The following NAALADL2 variants were observed in gnomAD, a reference collection of about 807,000 sequenced individuals.
NAALADL2 encodes the protein inactive N-acetylated-alpha-linked acidic dipeptidase-like protein 2.
Under a neutral mutation model 87.2 loss-of-function variants are expected in NAALADL2, and 76 were observed. The observed-to-expected ratio is 0.87, with a 90% CI of 0.72 to 1.05. The LOEUF is 1.05. Ranked by LOEUF, NAALADL2 falls within the 50% of genes least tolerant of loss-of-function variation. The pLI, the probability that NAALADL2 is intolerant of heterozygous loss-of-function variation, is 0.00. For missense variants in NAALADL2, 1,089 were observed against 945.8 expected, an observed-to-expected ratio of 1.15 and a Z score of -1.99; for synonymous variants, 354 against 331.0, an observed-to-expected ratio of 1.07 and a Z score of -0.75.
intron 1 of NAALADL2, among the ~76,000 whole-genome samples, chr3:174,918,573 A>G (rs1734726668): frequency 6.6e-6 from 1 of 152,128 alleles, no homozygotes. Context: ...TGATTGGCTG[A>G]GGTTTACTTT....
At chr3:175,284,079 A>C (rs1159201822) in intron 4 of NAALADL2, among the ~76,000 whole-genome samples, 1 of 152,074 alleles carries the variant, frequency 6.6e-6, no homozygotes, top group East Asian at 1.9e-4. Context: ...CTTCCCAACA[A>C]TATTAGTGTA....
chr3:174,864,856 A>G (rs1425823381), intron 1 of NAALADL2, among the ~76,000 whole-genome samples: 1 of 152,040 alleles, frequency 6.6e-6, no homozygotes, highest in East Asian at 1.9e-4. Context: ...TTGATTTATT[A>G]TTGGAAAGTA....
intron 5 of NAALADL2, among the ~76,000 whole-genome samples, chr3:175,403,742 A>G (rs960518661): frequency 6.6e-6 from 1 of 152,120 alleles, no homozygotes; most frequent in Non-Finnish European, 1.5e-5. Context: ...ATTTTTAAGG[A>G]ACTCATTAGA....
intron 2 of NAALADL2, among the ~76,000 whole-genome samples, chr3:174,693,715 G>A (rs1285496353): frequency 1.1e-4 from 17 of 152,026 alleles, no homozygotes; most frequent in Non-Finnish European, 7.4e-5. Context: ...AGGGATACAG[G>A]GAATAAACAA....
intron 1 of NAALADL2, among the ~76,000 whole-genome samples, chr3:174,980,557 A>C (rs1190740542): frequency 2.6e-5 from 4 of 152,186 alleles, no homozygotes; most frequent in Admixed American, 6.5e-5. Context: ...GGAATCATGA[A>C]ATATTTTCCG....
At chr3:175,671,719 A>G (rs111341847) in intron 11 of NAALADL2, among the ~76,000 whole-genome samples, 609 of 152,130 alleles carry the variant, frequency 4.0e-3, no homozygotes, top group Middle Eastern at 0.01. Context: ...AAGTCATATT[A>G]AGTACACTAA....
chr3:174,938,853 C>A (rs1738123191), intron 1 of NAALADL2, among the ~76,000 whole-genome samples: 1 of 152,012 alleles, frequency 6.6e-6, no homozygotes, highest in African/African-American at 2.4e-5. Context: ...CCTTTGTCTA[C>A]TTTTTAATGA....
chr3:175,412,930 T>TTA (rs1560510690), intron 5 of NAALADL2, among the ~76,000 whole-genome samples: 23 of 18,688 alleles, frequency 1.2e-3, no homozygotes, highest in African/African-American at 4.3e-3. Flanking sequence ...TATTATTATT[T>TTA]TTGAGACGGA....
At chr3:175,461,428 G>A (rs1233425502) in intron 6 of NAALADL2, among the ~76,000 whole-genome samples, 4 of 152,098 alleles carry the variant, frequency 2.6e-5, no homozygotes, top group Non-Finnish European at 5.9e-5. Context: ...AGTTCTCCAA[G>A]TCCCCACTTG....
intron 2 of NAALADL2, among the ~76,000 whole-genome samples, chr3:174,710,288 T>C (rs2108911725): frequency 6.7e-6 from 1 of 150,314 alleles, no homozygotes; most frequent in East Asian, 2.0e-4. Context: ...CGAGTCTTGC[T>C]CTGTCGCCCA....
chr3:175,589,309 G>GTAATTTACCATTCGT (rs60691311), intron 10 of NAALADL2, among the ~76,000 whole-genome samples: 3 of 152,114 alleles, frequency 2.0e-5, no homozygotes, highest in Admixed American at 6.5e-5. Flanking sequence ...ATTGGTACTG[G>GTAATTTACCATTCGT]TAAATAAATG....
At chr3:174,902,098 C>T (rs76501445) in intron 1 of NAALADL2, among the ~76,000 whole-genome samples, 2,208 of 152,200 alleles carry the variant, frequency 0.015, 33 homozygotes, top group Non-Finnish European at 0.017. Flanking sequence ...CATGATCTAC[C>T]GCCCAGGTGT....
chr3:175,079,966 T>C (rs964403664), intron 1 of NAALADL2, among the ~76,000 whole-genome samples: 1 of 150,956 alleles, frequency 6.6e-6, no homozygotes, highest in African/African-American at 2.5e-5. Context: ...TCTAGAAATA[T>C]AGACTTTTTT....
intron 1 of NAALADL2, among the ~76,000 whole-genome samples, chr3:174,508,804 T>C (rs923010391): frequency 6.6e-6 from 1 of 152,198 alleles, no homozygotes; most frequent in Non-Finnish European, 1.5e-5. Context: ...TCCTAGCACT[T>C]TGGGAGGCCG....
intron 3 of NAALADL2, among the ~76,000 whole-genome samples, chr3:174,828,390 T>A (rs1276400267): frequency 6.6e-6 from 1 of 152,176 alleles, no homozygotes; most frequent in Non-Finnish European, 1.5e-5. Flanking sequence ...TCTTATAAAT[T>A]TAATTGCTTG....
At chr3:175,465,642 T>G (rs143133562) in intron 7 of NAALADL2, among the ~76,000 whole-genome samples, 4,428 of 152,054 alleles carry the variant, frequency 0.029, 189 homozygotes, top group East Asian at 0.14. Context: ...CCAGCTAATT[T>G]TTGTATTTTT....
At chr3:175,156,427 T>G (rs145360678) in intron 2 of NAALADL2, among the ~76,000 whole-genome samples, 1 of 152,150 alleles carries the variant, frequency 6.6e-6, no homozygotes, top group Non-Finnish European at 1.5e-5. Flanking sequence ...GAATTCCTTA[T>G]GTGATCAATG....
chr3:174,892,411 A>G (rs1194666068), intron 1 of NAALADL2, among the ~76,000 whole-genome samples: 2 of 152,186 alleles, frequency 1.3e-5, no homozygotes, highest in East Asian at 1.9e-4. Context: ...GCAATTCTGA[A>G]CCAGTGTATT....
chr3:175,546,240 TG>T (rs1713294591), intron 9 of NAALADL2, among the ~76,000 whole-genome samples: 2 of 152,164 alleles, frequency 1.3e-5, no homozygotes, highest in Admixed American at 1.3e-4. Context: ...TCCATTTTTT[TG>T]GTAGATTTTT....
Sources: allele counts gnomAD v4.1 joint callset (sites outside exome capture counted in the v4.1 genomes callset), GRCh38; gene constraint gnomAD v4.1.1; transcripts MANE v1.5; gene names NCBI Gene and HGNC (gene_info 2026-07-23, HGNC 2026-07-21).